Variants in ZNF596 observed in about 807,000 individuals in gnomAD.
ZNF596 encodes zinc finger protein 596.
ZNF596 carries 45 observed loss-of-function variants against 48.3 expected under a neutral mutation model. That is an observed-to-expected ratio of 0.93 (90% CI 0.73 to 1.19). The LOEUF (loss-of-function observed/expected upper bound fraction) is 1.19, where lower values mean the gene tolerates loss of function less well. Ranked by LOEUF, ZNF596 falls within the 50% of genes most tolerant of loss-of-function variation. The pLI, the probability that ZNF596 is intolerant of heterozygous loss-of-function variation, is 0.00. For synonymous variants in ZNF596, 270 were observed against 202.0 expected, an observed-to-expected ratio of 1.34 and a Z score of -2.85; for missense variants, 848 against 599.7, an observed-to-expected ratio of 1.41 and a Z score of -4.32.
At position 245,231 on chromosome 8, in the gene ZNF596, A is replaced by G; in HGVS notation, c.384A>G (p.Gln128=). The G allele has an allele frequency of 6.2e-7, 1 of 1,614,034 alleles. No individual in the cohort carries two copies. The highest frequency in any genetic ancestry group is 1.1e-5 in the South Asian group (1 of 91,056). ...TCACTCAACATATAGCATTGACTCA[A>G]AATGTGATTACCTACATGAGAACGA... ...EDFTQHIALT[Q]NVITYMRTKH... is the part of the protein sequence containing the mutation. The change falls in exon 6 of 6, where the codon CAA becomes CAG. Residue 128 remains glutamine, a synonymous_variant. Coordinates refer to ENST00000398612, the MANE Select transcript of ZNF596 (RefSeq NM_001042416.3).
intron 2 of ZNF596, among the ~76,000 whole-genome samples, chr8:242,187 A>T (rs1584910028): frequency 6.6e-6 from 1 of 152,302 alleles, no homozygotes; most frequent in East Asian, 1.9e-4. Flanking sequence ...TTCAGTACTG[A>T]AGTCTTAGAG....
Position 239,626 on chromosome 8 carries a change from A to G in ZNF596, c.-72-1198A>G, listed in dbSNP as rs567516038. 9.2e-5 allele frequency among the ~76,000 whole-genome samples: 14 copies of G among 152,340 alleles called. No individual in the cohort carries two copies. The South Asian group carries it at 2.7e-3, about 29-fold the overall frequency. ...TATGAACAGCCAGCTAAAGAGTTAC[A>G]TACAGCAAGTTTTGGAAGCATCTTA... On this transcript the variant is annotated intron_variant, in intron 1 of 5. Transcript: ENST00000398612.
At chr8:237,964 C>T (rs1430591755) in intron 1 of ZNF596, among the ~76,000 whole-genome samples, 1 of 152,216 alleles carries the variant, frequency 6.6e-6, no homozygotes, top group Non-Finnish European at 1.5e-5. Flanking sequence ...TGGTGGATCT[C>T]ATCCTTAGTA....
chr8:236,141 T>C (rs1385500942), intron 1 of ZNF596, among the ~76,000 whole-genome samples: 2 of 152,240 alleles, frequency 1.3e-5, no homozygotes, highest in Non-Finnish European at 2.9e-5. Flanking sequence ...TTTATTTACA[T>C]GGGTCTACAA....
In ZNF596 at chr8:243,778, T is replaced by C. The variant is rs766715321; in HGVS notation, c.196T>C (p.Ser66Pro). ...LSQLEQVEKL[S>P]TQRISLLQGR... ...CCAATTGGAGCAAGTAGAGAAACTT[T>C]CAACACAAAGAATAAGCTTACTGCA... The change falls in exon 4 of 6, where the codon TCA becomes CCA. Residue 66 changes from serine (S) to proline (P), a missense_variant. Physicochemically the swap from Ser to Pro is moderately conservative, Grantham distance 74 (BLOSUM62 -1). Coordinates refer to ENST00000398612, the MANE Select transcript of ZNF596 (RefSeq NM_001042416.3). The C allele has an allele frequency of 2.5e-6, 4 of 1,613,620 alleles. No homozygotes were observed. Among genetic ancestry groups the C allele is most frequent in the African/African-American group, 2.7e-5 (2 of 74,902 alleles).
At chr8:243,922 C>A in intron 4 of ZNF596, 117 bp downstream of exon 4, 1 of 811,150 alleles carries the variant, frequency 1.2e-6, no homozygotes, top group Non-Finnish European at 1.9e-6. Context: ...GAATCTCACT[C>A]TGTCACCCAG....
intron 2 of ZNF596, among the ~76,000 whole-genome samples, chr8:242,163 G>A (rs539420221): frequency 1.3e-5 from 2 of 152,182 alleles, no homozygotes; most frequent in Non-Finnish European, 2.9e-5. Flanking sequence ...GAAAGTGGCA[G>A]GATGAGACCA....
Position 246,148 on chromosome 8 carries a change from T to C in ZNF596, c.1301T>C (p.Leu434Pro). 3 of 1,613,552 alleles carry C rather than the reference T, an allele frequency of 1.9e-6. No individual in the cohort carries two copies. Among genetic ancestry groups the C allele is most frequent in the Non-Finnish European group, 2.5e-6 (3 of 1,179,450 alleles). ...CGKAFNHSSVLRRHERTHTGE... is the reference protein window; with the variant it reads ...CGKAFNHSSVPRRHERTHTGE... ...AAAGCCTTCAATCACTCTTCTGTCC[T>C]TAGACGACATGAGAGAACTCACACT... The change falls in exon 6 of 6, where the codon CTT (leucine) becomes CCT (proline). Residue 434 changes from leucine to proline, a missense_variant. Physicochemically the swap from Leu to Pro is moderately conservative, Grantham distance 98. Transcript: ENST00000398612.
In ZNF596 at chr8:245,591, G is replaced by A. The variant is rs201446081; in HGVS notation, c.744G>A (p.Glu248=). Reference sequence around the variant, plus strand: ...AACATGAGAGAACTCACACTGGAGAGAAGCCATATGGATGTCATCTATGTG... The same window carrying A: ...AACATGAGAGAACTCACACTGGAGAAAAGCCATATGGATGTCATCTATGTG... ...LRKHERTHTG[E]KPYGCHLCGK... Residue 248 remains glutamate, a synonymous_variant, in exon 6 of 6, where the codon GAG becomes GAA. Transcript: ENST00000398612. 196 of 1,613,700 alleles carry A rather than the reference G, an allele frequency of 1.2e-4. 1 individual carries two copies. Among genetic ancestry groups the A allele is most frequent in the Admixed American group, 6.5e-4 (39 of 59,990 alleles).
At chr8:238,047 C>T (rs1486840869) in intron 1 of ZNF596, among the ~76,000 whole-genome samples, 1 of 152,192 alleles carries the variant, frequency 6.6e-6, no homozygotes. Flanking sequence ...CTTAGAGAAT[C>T]CTGAGATTGC....
In ZNF596 at chr8:240,863, C is replaced by T. The variant is rs1227367268; in HGVS notation, c.-33C>T. 8 of 1,613,688 alleles carry T rather than the reference C, an allele frequency of 5.0e-6. No individual in the cohort carries two copies. The highest frequency in any genetic ancestry group is 6.8e-6 in the Non-Finnish European group (8 of 1,179,822). On this transcript the variant is annotated 5_prime_UTR_variant, in exon 2 of 6. Coordinates refer to ENST00000398612, the MANE Select transcript of ZNF596 (RefSeq NM_001042416.3). ...TGCTTGGATGGTGTGAGTGAAAACC[C>T]AGAGGAATACATTTGGTGGCTGAGC... is the stretch of plus-strand genomic sequence containing the variant.
chr8:246,228 A>G lies in ZNF596; in HGVS notation c.1381A>G (p.Asn461Asp). The change falls in exon 6 of 6, where the codon AAC (asparagine) becomes GAC (aspartate). Residue 461 changes from asparagine to aspartate, a missense_variant. Coordinates refer to ENST00000398612, the MANE Select transcript of ZNF596 (RefSeq NM_001042416.3). ...ICGKAFNRSY[N>D]FRLHRRVHTG... ...TGGTAAAGCCTTCAATAGAAGTTAC[A>G]ACTTTAGACTTCATAGAAGAGTTCA... 1 of 1,613,828 alleles carries G rather than the reference A, an allele frequency of 6.2e-7. No homozygotes were observed.
chr8:243,946 G>T, intron 4 of ZNF596, 141 bp downstream of exon 4: 1 of 622,392 alleles, frequency 1.6e-6, no homozygotes. Context: ...GGAGTGCAGT[G>T]GCGTGATCTC....
rs756844116 is a variant in ZNF596 at position 243,813 on chromosome 8, C to G, written c.223+8C>G. On this transcript the variant is annotated splice_region_variant and intron_variant, in intron 4 of 5. Coordinates refer to ENST00000398612, the MANE Select transcript of ZNF596 (RefSeq NM_001042416.3). ...GAATAAGCTTACTGCAAGGTGAGCT[C>G]TAAGAAGCAGTGCTTCAATAGGAGG... is the stretch of plus-strand genomic sequence containing the variant. 2 of 1,611,038 alleles carry G rather than the reference C, an allele frequency of 1.2e-6. No individual in the cohort carries two copies. Among genetic ancestry groups the G allele is most frequent in the East Asian group, 2.2e-5 (1 of 44,832 alleles).
rs553642461 is a variant in ZNF596 at position 238,767 on chromosome 8, G to A, written c.-72-2057G>A. On this transcript the variant is annotated intron_variant, in intron 1 of 5. Coordinates refer to ENST00000398612, the MANE Select transcript of ZNF596 (RefSeq NM_001042416.3). ...GGTTGCAGTGAGCTGGTATCGTGCCGTTGCACTACAGCCTGGGCAACGCGA... is the reference window on the plus strand; with the variant it reads ...GGTTGCAGTGAGCTGGTATCGTGCCATTGCACTACAGCCTGGGCAACGCGA... 3.2e-4 allele frequency among the ~76,000 whole-genome samples: 48 copies of A among 151,708 alleles called. 1 individual carries two copies. The South Asian group carries it at 6.7e-3, about 21-fold the overall frequency.
rs1797129782 is a variant in ZNF596, at chr8:247,312, T to A, written c.*950T>A. ...GAATGCAGAATTATGTAAGAAGTAA[T>A]AAGATTAAATTAGTACTGTCAAAAA... On this transcript the variant is annotated 3_prime_UTR_variant, in exon 6 of 6. Transcript: ENST00000398612. 6.6e-6 allele frequency: 1 copy of A among 152,184 alleles called. No homozygotes were observed. Among genetic ancestry groups the A allele is most frequent in the African/African-American group, 2.4e-5 (1 of 41,456 alleles). The allele number at this position is 152,184 out of a possible 1,614,324, so 9.4% of individuals were successfully genotyped here.
chr8:243,000 T>C lies in ZNF596; in HGVS notation c.126T>C (p.His42=), dbSNP rs374457455. 22 of 1,611,898 alleles carry C rather than the reference T, an allele frequency of 1.4e-5. 1 individual carries two copies. The African/African-American group carries it at 2.4e-4, about 18-fold the overall frequency. Residue 42 remains histidine, a synonymous_variant, in exon 3 of 6, where the codon CAT becomes CAC. Transcript: ENST00000398612. ...ATGTGATGTTGGAGAACATCAGTCA[T>C]CTGGTCTCTATTGGTGAGTCTCTTT... ...FQDVMLENIS[H]LVSIGKQLCK...
chr8:241,269 G>A (rs559315207), intron 2 of ZNF596, among the ~76,000 whole-genome samples: 60 of 152,240 alleles, frequency 3.9e-4, no homozygotes, highest in Middle Eastern at 3.4e-3. Context: ...AGTATATGTG[G>A]GTAGGTGGTG....
At chr8:238,086 AG>A (rs1193574160) in intron 1 of ZNF596, among the ~76,000 whole-genome samples, 2 of 152,210 alleles carry the variant, frequency 1.3e-5, no homozygotes, top group African/African-American at 2.4e-5. Context: ...CTTTCAGTCT[AG>A]CACCCACCTT....
Sources: gnomAD v4.1 joint callset for allele counts (sites outside exome capture counted in the v4.1 genomes callset) on GRCh38, gnomAD v4.1.1 for gene constraint, MANE v1.5 for transcripts, NCBI Gene and HGNC (gene_info 2026-07-23, HGNC 2026-07-21) for gene names.